The following ZDBF2 variants were observed in gnomAD, a reference collection of about 807,000 sequenced individuals.
The protein encoded by ZDBF2 is DBF4-type zinc finger-containing protein 2.
ZDBF2 carries 6 observed loss-of-function variants against 9.4 expected under a neutral mutation model. The observed-to-expected ratio is 0.64, with a 90% CI of 0.35 to 1.27. The LOEUF (loss-of-function observed/expected upper bound fraction) is 1.27, where lower values mean the gene tolerates loss of function less well. ZDBF2 is among the 50% of genes most tolerant of loss of function. The pLI is 0.03. For synonymous variants in ZDBF2, 905 were observed against 946.3 expected (o/e 0.96, Z 0.80); for missense variants, 2,697 against 2,766.8 (o/e 0.97, Z 0.57).
At position 206,309,799 on chromosome 2, in the gene ZDBF2, A is replaced by C. The variant is rs372329507; in HGVS notation, c.5271A>C (p.Pro1757=). ...ATTTTCAGTGTGCTCCCCCTCTTCCATCTGATACTGATCAGCCTCAAGAAA... is the reference window on the plus strand; with the variant it reads ...ATTTTCAGTGTGCTCCCCCTCTTCCCTCTGATACTGATCAGCCTCAAGAAA... ...EMNFQCAPPL[P]SDTDQPQETV... Residue 1757 remains proline (P), a synonymous_variant, in exon 5 of 5, where the codon CCA becomes CCC. Transcript: ENST00000374423. The C allele has an allele frequency of 5.0e-6, 8 of 1,613,860 alleles. No homozygotes were observed. The Middle Eastern group carries it at 6.6e-4, about 133-fold the overall frequency.
At chr2:206,275,184 G>A (rs1690919763) in intron 1 of ZDBF2, among the ~76,000 whole-genome samples, 1 of 152,178 alleles carries the variant, frequency 6.6e-6, no homozygotes, top group African/African-American at 2.4e-5. Context: ...GAAGGAGGTG[G>A]GGCGCAGGCT....
intron 3 of ZDBF2, among the ~76,000 whole-genome samples, chr2:206,296,370 TG>T (rs1692178843): frequency 6.6e-6 from 1 of 152,248 alleles, no homozygotes; most frequent in Non-Finnish European, 1.5e-5. Context: ...GTAGCTGTCT[TG>T]GTTATTAGAT....
chr2:206,298,673 G>A (rs12473157), intron 4 of ZDBF2, among the ~76,000 whole-genome samples: 79,826 of 151,798 alleles, frequency 0.53, 21,752 homozygotes, highest in Non-Finnish European at 0.6. Flanking sequence ...ACAGGCACCC[G>A]TCACCATGCC....
intron 3 of ZDBF2, among the ~76,000 whole-genome samples, chr2:206,295,363 C>CTTTTTTTTTTTTT (rs571707187): frequency 1.8e-5 from 2 of 110,982 alleles, no homozygotes; most frequent in African/African-American, 6.8e-5. Flanking sequence ...CTTTTCTTTT[C>CTTTTTTTTTTTTT]TTTTTTTTTT....
chr2:206,280,818 C>A (rs1691276199), intron 2 of ZDBF2, among the ~76,000 whole-genome samples: 1 of 151,910 alleles, frequency 6.6e-6, no homozygotes, highest in African/African-American at 2.4e-5. Flanking sequence ...AAATTTTTTC[C>A]ATTGCAGAAA....
chr2:206,293,972 G>A (rs753175685), intron 3 of ZDBF2, among the ~76,000 whole-genome samples: 2 of 152,018 alleles, frequency 1.3e-5, no homozygotes, highest in Admixed American at 6.5e-5. Flanking sequence ...ATTAGTAATA[G>A]CCAAAAGCTA....
chr2:206,284,418 C>T (rs987196273), intron 3 of ZDBF2, among the ~76,000 whole-genome samples: 7 of 152,042 alleles, frequency 4.6e-5, no homozygotes, highest in Admixed American at 1.3e-4. Context: ...TCACCTCAAA[C>T]TTTTATCATT....
At position 206,310,519 on chromosome 2, in the gene ZDBF2, T is replaced by C; in HGVS notation, c.5991T>C (p.Thr1997=). ...IGTVEFPASC[T]KVLKPMQPKA... ...CAGTTGAATTTCCTGCATCATGTAC[T>C]AAAGTTTTGAAGCCTATGCAACCCA... Residue 1997 remains threonine (T), a synonymous_variant, in exon 5 of 5, where the codon ACT becomes ACC. Coordinates refer to ENST00000374423, the MANE Select transcript of ZDBF2 (RefSeq NM_020923.3). 1 of 1,613,366 alleles carries C rather than the reference T, an allele frequency of 6.2e-7. No homozygotes were observed. Among genetic ancestry groups the C allele is most frequent in the Non-Finnish European group, 8.5e-7 (1 of 1,179,764 alleles).
At chr2:206,292,432 A>G (rs1008162391) in intron 3 of ZDBF2, among the ~76,000 whole-genome samples, 4 of 152,194 alleles carry the variant, frequency 2.6e-5, no homozygotes, top group Non-Finnish European at 5.9e-5. Context: ...CAAGAGTAAC[A>G]GATTGAAAAA....
rs747401606 is a variant in ZDBF2 at position 206,281,883 on chromosome 2, C to T, written c.34C>T (p.Arg12Cys). ...AAGACAAGGATATTGCAGTTATTGCCGTGTGCAGTATAATAACCTGGAACA... is the reference window on the plus strand; with the variant it reads ...AAGACAAGGATATTGCAGTTATTGCTGTGTGCAGTATAATAACCTGGAACA... ...QKRQGYCSYCRVQYNNLEQHL... is the reference protein window; with the variant it reads ...QKRQGYCSYCCVQYNNLEQHL... Residue 12 changes from arginine (R) to cysteine (C), a missense_variant, in exon 3 of 5, where the codon CGT becomes TGT. By Grantham distance (180) the Arg-to-Cys change is radical. Transcript: ENST00000374423. 1.5e-5 allele frequency: 24 copies of T among 1,612,964 alleles called. No individual in the cohort carries two copies. Among genetic ancestry groups the T allele is most frequent in the South Asian group, 3.3e-5 (3 of 90,942 alleles).
intron 3 of ZDBF2, among the ~76,000 whole-genome samples, chr2:206,286,470 T>C (rs935076553): frequency 1.3e-5 from 2 of 152,196 alleles, no homozygotes; most frequent in Admixed American, 1.3e-4. Flanking sequence ...GTCTGTTTTA[T>C]CTATCATAAA....
In ZDBF2 at chr2:206,312,188, C is replaced by G. The variant is rs1693227000; in HGVS notation, c.*595C>G. Reference sequence around the variant, plus strand: ...GTCTCTAACTTTTATCATTTGGACACATGCACACATACAGTCTCTAGGTTT... The same window carrying G: ...GTCTCTAACTTTTATCATTTGGACAGATGCACACATACAGTCTCTAGGTTT... On this transcript the variant is annotated 3_prime_UTR_variant, in exon 5 of 5. Transcript: ENST00000374423. 6.6e-6 allele frequency: 1 copy of G among 152,094 alleles called. No homozygotes were observed. Among genetic ancestry groups the G allele is most frequent in the South Asian group, 2.1e-4 (1 of 4,828 alleles). The allele number at this position is 152,094 out of a possible 1,614,324, so 9.4% of individuals were successfully genotyped here.
In ZDBF2 at chr2:206,306,336, G is replaced by A. The variant is rs1201593544; in HGVS notation, c.1808G>A (p.Arg603Lys). ...CATCCCCAACTGACTGTCAAAGGAA[G>A]AAACCTGAAAGGTAGACAAGTCCAC... ...VDHPQLTVKG[R>K]NLKGRQVHLK... Residue 603 changes from arginine (R) to lysine (K), a missense_variant, in exon 5 of 5, where the codon AGA (arginine) becomes AAA (lysine). Physicochemically the swap from Arg to Lys is conservative, Grantham distance 26 (BLOSUM62 2). Coordinates refer to ENST00000374423, the MANE Select transcript of ZDBF2 (RefSeq NM_020923.3). 2.5e-6 allele frequency: 4 copies of A among 1,613,608 alleles called. No homozygotes were observed. The African/African-American group carries it at 4.0e-5, about 16-fold the overall frequency.
At position 206,308,945 on chromosome 2, in the gene ZDBF2, T is replaced by C; in HGVS notation, c.4417T>C (p.Tyr1473His). ...AGAAGTTGACCAACCTCAAGTGTCT[T>C]ACAAAGAGGCAGACCTTCAGAAGGA... ...QSEVDQPQVS[Y>H]KEADLQKEEH... is the part of the protein sequence containing the mutation. The change falls in exon 5 of 5, where the codon TAC becomes CAC. Residue 1473 changes from tyrosine (Y) to histidine (H), a missense_variant. Tyr to His is a moderately conservative substitution (Grantham distance 83). Around this residue, in one of 3 missense-constraint regions of ZDBF2, gnomAD observed 1,783 missense variants for 1,776.5 expected, o/e 1.00. Coordinates refer to ENST00000374423, the MANE Select transcript of ZDBF2 (RefSeq NM_020923.3). The C allele has an allele frequency of 6.2e-7, 1 of 1,613,506 alleles. No homozygotes were observed. Among genetic ancestry groups the C allele is most frequent in the Non-Finnish European group, 8.5e-7 (1 of 1,179,636 alleles).
rs1304270544 is a variant in ZDBF2, at chr2:206,294,609, C to G, written c.61-2637C>G. Among the ~76,000 whole-genome samples the G allele has an allele frequency of 2.6e-5, 4 of 152,092 alleles. No homozygotes were observed. In the East Asian group the frequency reaches 7.7e-4, roughly 29 times the overall value. On this transcript the variant is annotated intron_variant, in intron 3 of 4. Transcript: ENST00000374423. The stretch of plus-strand genomic sequence containing the variant: ...CATCACCCAGCTAGTGAGCATAGTA[C>G]CTGATAGGTAGTTTTTCGAGCCCTT...
chr2:206,278,455 C>A (rs2105893045), intron 1 of ZDBF2, among the ~76,000 whole-genome samples: 1 of 152,246 alleles, frequency 6.6e-6, no homozygotes, highest in South Asian at 2.1e-4. Flanking sequence ...TTTCTTAAAG[C>A]ACCCTCAAGA....
In ZDBF2 at chr2:206,310,628, A is replaced by G; in HGVS notation, c.6100A>G (p.Ser2034Gly). Reference protein sequence around the residue: ...GLPFPKMRHHSWDNDIRFICK... With the variant: ...GLPFPKMRHHGWDNDIRFICK... ...TCCTTTCCCTAAAATGAGGCACCAT[A>G]GTTGGGATAATGATATTCGGTTTAT... is the stretch of plus-strand genomic sequence containing the variant. The change falls in exon 5 of 5, where the codon AGT becomes GGT. Residue 2034 changes from serine (S) to glycine (G), a missense_variant. Around this residue, in one of 3 missense-constraint regions of ZDBF2, gnomAD observed 1,783 missense variants for 1,776.5 expected, o/e 1.00. Transcript: ENST00000374423. The G allele has an allele frequency of 6.2e-7, 1 of 1,609,558 alleles. No individual in the cohort carries two copies. The highest frequency in any genetic ancestry group is 1.1e-5 in the South Asian group (1 of 90,518).
At chr2:206,275,486 G>A (rs879775233) in intron 1 of ZDBF2, among the ~76,000 whole-genome samples, 3 of 152,060 alleles carry the variant, frequency 2.0e-5, no homozygotes, top group Admixed American at 6.5e-5. Flanking sequence ...TTTTACTACC[G>A]CCGTGCAACA....
At chr2:206,295,167 C>T (rs1183889684) in intron 3 of ZDBF2, among the ~76,000 whole-genome samples, 1 of 152,066 alleles carries the variant, frequency 6.6e-6, no homozygotes, top group Non-Finnish European at 1.5e-5. Context: ...TTTAAAATGT[C>T]TTTTCTAAGT....
Sources: allele counts gnomAD v4.1 joint callset (sites outside exome capture counted in the v4.1 genomes callset), GRCh38; gene constraint gnomAD v4.1.1; regional missense constraint gnomAD v4.1.1; transcripts MANE v1.5; gene names NCBI Gene and HGNC (gene_info 2026-07-23, HGNC 2026-07-21).